The following SASH1 variants were observed in gnomAD, a reference collection of about 807,000 sequenced individuals.
SASH1 encodes SAM and SH3 domain containing 1.
SASH1 carries 44 observed loss-of-function variants against 125.2 expected under a neutral mutation model. The ratio of observed to expected loss-of-function variants is 0.35; its 90% CI spans 0.28 to 0.45. The LOEUF (loss-of-function observed/expected upper bound fraction) is 0.45, where lower values mean the gene tolerates loss of function less well. Among genes scored for constraint, SASH1 ranks in the 20% least tolerant of loss-of-function variants. The pLI, the probability that SASH1 is intolerant of heterozygous loss-of-function variation, is 1.00. For missense variants in SASH1, 1,426 were observed against 1,614.5 expected (o/e 0.88, Z 2.00); for synonymous variants, 639 against 649.1 (o/e 0.98, Z 0.24).
intron 4 of SASH1, among the ~76,000 whole-genome samples, chr6:148,464,670 C>A (rs1172354302): frequency 1.3e-5 from 2 of 152,138 alleles, no homozygotes; most frequent in African/African-American, 4.8e-5. Flanking sequence ...TAATCATTCT[C>A]AAGGAGAAAG....
At chr6:148,363,472 G>A (rs1420360654) in intron 1 of SASH1, among the ~76,000 whole-genome samples, 6 of 151,650 alleles carry the variant, frequency 4.0e-5, no homozygotes, top group East Asian at 1.9e-4. Flanking sequence ...CACGATCTTC[G>A]CTCACTGCAA....
At chr6:148,521,963 A>T (rs773283346) in intron 10 of SASH1, among the ~76,000 whole-genome samples, 1 of 152,240 alleles carries the variant, frequency 6.6e-6, no homozygotes, top group Non-Finnish European at 1.5e-5. Flanking sequence ...TGTCAGATTA[A>T]TACTATAACT....
the SASH1 span, among the ~76,000 whole-genome samples, chr6:148,261,834 A>C: frequency 2.0e-5 from 3 of 152,114 alleles, no homozygotes; most frequent in African/African-American, 7.2e-5. Context: ...GGAATAAGAG[A>C]AAGGAGGAAG....
At chr6:148,326,337 T>C (rs1409227076) in intron 1 of SASH1, among the ~76,000 whole-genome samples, 2 of 77,338 alleles carry the variant, frequency 2.6e-5, no homozygotes, top group African/African-American at 5.3e-5. Flanking sequence ...TATATATATA[T>C]ATATATATAT....
At chr6:148,298,736 A>G (rs1582932445) in intron 1 of SASH1, among the ~76,000 whole-genome samples, 3 of 91,170 alleles carry the variant, frequency 3.3e-5, no homozygotes, top group African/African-American at 4.4e-5. Context: ...GGAGGGAGGG[A>G]GGGAGGGAAA....
chr6:148,252,899 C>T, the SASH1 span, among the ~76,000 whole-genome samples: 1 of 152,162 alleles, frequency 6.6e-6, no homozygotes, highest in African/African-American at 2.4e-5. Context: ...TCACAAGGTA[C>T]CCATCAGGAA....
chr6:148,390,562 G>A (rs112728500), intron 2 of SASH1, among the ~76,000 whole-genome samples: 78 of 152,292 alleles, frequency 5.1e-4, no homozygotes, highest in African/African-American at 1.7e-3. Context: ...CCAGGCGGGC[G>A]GATCACGAGG....
At chr6:148,511,257 A>G (rs1780108289) in intron 8 of SASH1, among the ~76,000 whole-genome samples, 1 of 151,798 alleles carries the variant, frequency 6.6e-6, no homozygotes, top group Admixed American at 6.6e-5. Context: ...GGATGCAGCA[A>G]TACATTCTTG....
intron 6 of SASH1, among the ~76,000 whole-genome samples, 158 bp from the exon 7 acceptor site, chr6:148,473,952 G>A (rs1424498335): frequency 2.0e-5 from 3 of 152,186 alleles, no homozygotes; most frequent in Non-Finnish European, 2.9e-5. Context: ...TTAAAAAGCA[G>A]CATATTTTTG....
At chr6:148,227,913 G>A in the SASH1 span, among the ~76,000 whole-genome samples, 1 of 152,034 alleles carries the variant, frequency 6.6e-6, no homozygotes, top group Admixed American at 6.6e-5. Flanking sequence ...GTAACCTCAG[G>A]ATAGAAAAAC....
chr6:148,307,284 A>T (rs1374887154), intron 1 of SASH1, among the ~76,000 whole-genome samples: 3 of 151,448 alleles, frequency 2.0e-5, no homozygotes, highest in Non-Finnish European at 4.4e-5. Flanking sequence ...ATGCCTGGCT[A>T]ATTTTGTATT....
At chr6:148,303,484 G>A (rs1028468892) in intron 1 of SASH1, among the ~76,000 whole-genome samples, 20 of 152,084 alleles carry the variant, frequency 1.3e-4, no homozygotes, top group Non-Finnish European at 2.9e-5. Context: ...GGAAATTTGA[G>A]AAATTCACAA....
At chr6:148,364,086 G>T (rs781702735) in intron 1 of SASH1, among the ~76,000 whole-genome samples, 1 of 151,834 alleles carries the variant, frequency 6.6e-6, no homozygotes, top group African/African-American at 2.4e-5. Flanking sequence ...CCAGCTCATC[G>T]GCAGCCCATC....
rs535621380 is a variant in SASH1 at position 148,349,615 on chromosome 6, A to G, written c.156+6392A>G. On this transcript the variant is annotated intron_variant, in intron 1 of 19. Transcript: ENST00000367467. ...ATGGGGTGGCAATGAGGTTGGAGGG[A>G]AGGAGACTACTTTAGTGACCCAGGC... 9.2e-5 allele frequency among the ~76,000 whole-genome samples: 14 copies of G among 152,116 alleles called. No homozygotes were observed. In the South Asian group the frequency reaches 2.7e-3, roughly 29 times the overall value.
chr6:148,343,327 A>G, intron 1 of SASH1, 104 bp downstream of exon 1: 1 of 1,065,584 alleles, frequency 9.4e-7, no homozygotes, highest in Non-Finnish European at 1.4e-6. Flanking sequence ...CCCACTCCGC[A>G]GAGGCGTCCT....
intron 10 of SASH1, among the ~76,000 whole-genome samples, chr6:148,523,920 A>G (rs946068119): frequency 6.6e-6 from 1 of 151,952 alleles, no homozygotes; most frequent in African/African-American, 2.4e-5. Flanking sequence ...AAGGCTTCAA[A>G]TATGATATAA....
intron 18 of SASH1, 132 bp from the exon 19 acceptor site, chr6:148,545,883 G>A: frequency 1.2e-6 from 1 of 838,268 alleles, no homozygotes; most frequent in Admixed American, 3.2e-5. Context: ...TGAGGCTGCA[G>A]TGAGCCATGA....
intron 17 of SASH1, among the ~76,000 whole-genome samples, chr6:148,543,272 T>C (rs112929484): frequency 5.0e-4 from 76 of 152,284 alleles, no homozygotes; most frequent in African/African-American, 1.7e-3. Context: ...TGAAATTCAG[T>C]CCAGCTCTCC....
At chr6:148,361,508 C>T (rs907851572) in intron 1 of SASH1, among the ~76,000 whole-genome samples, 16 of 151,894 alleles carry the variant, frequency 1.1e-4, no homozygotes, top group South Asian at 6.3e-4. Flanking sequence ...AGGCCGAGGC[C>T]GGAGAATCGC....
Sources: gnomAD v4.1 joint callset for allele counts (sites outside exome capture counted in the v4.1 genomes callset) on GRCh38, gnomAD v4.1.1 for gene constraint, MANE v1.5 for transcripts, NCBI Gene and HGNC (gene_info 2026-07-23, HGNC 2026-07-21) for gene names.